Variants in DLC1 observed in about 807,000 individuals in gnomAD.
The protein encoded by DLC1 is rho GTPase-activating protein 7.
Under a neutral mutation model 140.3 loss-of-function variants are expected in DLC1, and 54 were observed. The observed-to-expected ratio is 0.38, with a 90% CI of 0.31 to 0.48. DLC1 has a LOEUF of 0.48. DLC1 is among the 20% of genes least tolerant of loss of function. The pLI, the probability that DLC1 is intolerant of heterozygous loss-of-function variation, is 0.96. For missense variants in DLC1, 2,536 were observed against 1,907.0 expected, an observed-to-expected ratio of 1.33 and a Z score of -6.14; for synonymous variants, 986 against 728.1, an observed-to-expected ratio of 1.35 and a Z score of -5.70.
intron 5 of DLC1, among the ~76,000 whole-genome samples, chr8:13,136,271 T>A (rs1822554851): frequency 6.6e-6 from 1 of 152,150 alleles, no homozygotes; most frequent in African/African-American, 2.4e-5. Context: ...GTACGATTGG[T>A]TCAGTCACCC....
chr8:13,254,366 A>T (rs1247684572), intron 5 of DLC1, among the ~76,000 whole-genome samples: 1 of 152,118 alleles, frequency 6.6e-6, no homozygotes. Context: ...GCCTGCAAGG[A>T]TGAACTTCTG....
At chr8:13,517,544 G>T (rs1802628755), upstream of DLC1, among the ~76,000 whole-genome samples, 1 of 152,096 alleles carries the variant, frequency 6.6e-6, no homozygotes, top group African/African-American at 2.4e-5. Context: ...TCTTATAAAG[G>T]CTTTACCAAA....
chr8:13,493,388 T>C (rs1259396067), intron 2 of DLC1, among the ~76,000 whole-genome samples: 1 of 152,190 alleles, frequency 6.6e-6, no homozygotes, highest in Non-Finnish European at 1.5e-5. Flanking sequence ...TTTTCATTTC[T>C]TGTTTTAATT....
Position 13,098,519 on chromosome 8 carries a change from A to C in DLC1, c.3047T>G (p.Val1016Gly), listed in dbSNP as rs1457682556. 3 of 1,614,198 alleles carry C rather than the reference A, an allele frequency of 1.9e-6. No homozygotes were observed. In the South Asian group the frequency reaches 3.3e-5, roughly 18 times the overall value. Reference protein sequence around the residue: ...QSSHRPSLNSVSLQINCQSVA... With the variant: ...QSSHRPSLNSGSLQINCQSVA... The stretch of plus-strand genomic sequence containing the variant: ...AGACTGGCAGTTAATCTGTAGTGAT[A>C]CAGAGTTGAGGCTTGGCCGATGTGA... Residue 1016 changes from valine (V) to glycine (G), a missense_variant, in exon 10 of 18, where the codon GTA (valine) becomes GGA (glycine). Val to Gly is a moderately radical substitution (Grantham distance 109). Transcript: ENST00000276297.
intron 5 of DLC1, among the ~76,000 whole-genome samples, chr8:13,141,321 C>T (rs1452414987): frequency 6.9e-6 from 1 of 145,124 alleles, no homozygotes; most frequent in Non-Finnish European, 1.5e-5. Flanking sequence ...TCTAAGGGCA[C>T]CGAGTTTTTA....
intron 5 of DLC1, among the ~76,000 whole-genome samples, chr8:13,135,581 T>G (rs1822506594): frequency 6.6e-6 from 1 of 150,912 alleles, no homozygotes; most frequent in Non-Finnish European, 1.5e-5. Context: ...AAAATAAGAG[T>G]GCACCTTCGA....
At chr8:13,539,602 G>A (rs1360130993) in intron 1 of DLC1, among the ~76,000 whole-genome samples, 1 of 152,144 alleles carries the variant, frequency 6.6e-6, no homozygotes, top group Non-Finnish European at 1.5e-5. Context: ...CTTGAGGCCA[G>A]GAGCTTCTGT....
intron 10 of DLC1, among the ~76,000 whole-genome samples, chr8:13,096,975 T>C (rs13282126): frequency 0.37 from 55,720 of 152,018 alleles, 12,559 homozygotes; most frequent in South Asian, 0.51. Context: ...TTGGCACTGA[T>C]AGCAGAAAAA....
upstream of DLC1, among the ~76,000 whole-genome samples, chr8:13,516,647 T>A (rs535474939): frequency 6.6e-6 from 1 of 152,178 alleles, no homozygotes; most frequent in Non-Finnish European, 1.5e-5. Flanking sequence ...TAGATCAAAG[T>A]CTTATTGACT....
At chr8:13,402,746 A>G (rs1837354737) in intron 2 of DLC1, among the ~76,000 whole-genome samples, 1 of 152,200 alleles carries the variant, frequency 6.6e-6, no homozygotes, top group Non-Finnish European at 1.5e-5. Flanking sequence ...ATGAAAATTG[A>G]TGATGGCCTG....
intron 5 of DLC1, among the ~76,000 whole-genome samples, chr8:13,289,342 C>T (rs1831667110): frequency 6.6e-6 from 1 of 152,128 alleles, no homozygotes; most frequent in South Asian, 2.1e-4. Flanking sequence ...AGGGGTGTGC[C>T]TTTGCACCTG....
intron 4 of DLC1, among the ~76,000 whole-genome samples, chr8:13,343,754 A>G (rs904679973): frequency 6.6e-6 from 1 of 152,174 alleles, no homozygotes; most frequent in East Asian, 1.9e-4. Context: ...TCAGCACTCT[A>G]AAAGCCTAAA....
intron 5 of DLC1, among the ~76,000 whole-genome samples, chr8:13,203,078 A>G (rs1226499423): frequency 6.6e-6 from 1 of 152,178 alleles, no homozygotes; most frequent in East Asian, 1.9e-4. Context: ...ATTCAGTCCT[A>G]TGCCTCTTCT....
intron 4 of DLC1, among the ~76,000 whole-genome samples, chr8:13,331,034 G>A (rs1041231163): frequency 2.4e-4 from 36 of 152,254 alleles, no homozygotes; most frequent in African/African-American, 8.4e-4. Context: ...ATCCAAACCA[G>A]GAGGAGAAAA....
At chr8:13,232,568 T>C (rs1161232298) in intron 5 of DLC1, among the ~76,000 whole-genome samples, 1 of 152,112 alleles carries the variant, frequency 6.6e-6, no homozygotes, top group East Asian at 1.9e-4. Context: ...CTTGACCTCA[T>C]GATCCACTTG....
chr8:13,399,224 T>TG (rs1837188331), intron 3 of DLC1, among the ~76,000 whole-genome samples: 1 of 152,340 alleles, frequency 6.6e-6, no homozygotes, highest in South Asian at 2.1e-4. Flanking sequence ...GAACATGCTC[T>TG]GACTGTCTGA....
At chr8:13,571,431 T>A (rs917948559) in intron 1 of DLC1, among the ~76,000 whole-genome samples, 1 of 152,216 alleles carries the variant, frequency 6.6e-6, no homozygotes, top group Admixed American at 6.5e-5. Flanking sequence ...AATTTGCTTA[T>A]TTGAGATACT....
chr8:13,163,865 A>G (rs1824903296), intron 5 of DLC1, among the ~76,000 whole-genome samples: 1 of 152,032 alleles, frequency 6.6e-6, no homozygotes, highest in Admixed American at 6.6e-5. Flanking sequence ...AAATTAGCCA[A>G]GTATTGTGAT....
intron 5 of DLC1, among the ~76,000 whole-genome samples, chr8:13,187,687 C>A (rs1056015857): frequency 3.9e-5 from 6 of 152,136 alleles, no homozygotes; most frequent in African/African-American, 1.4e-4. Flanking sequence ...TATCTGGACT[C>A]AGGAGAAAAG....
Sources: allele counts gnomAD v4.1 joint callset (sites outside exome capture counted in the v4.1 genomes callset), GRCh38; gene constraint gnomAD v4.1.1; transcripts MANE v1.5; gene names NCBI Gene and HGNC (gene_info 2026-07-23, HGNC 2026-07-21).